CACHD1: variants seen among roughly 807,000 people sequenced by gnomAD.
CACHD1 encodes cache domain containing 1.
A neutral mutation model predicts 138.7 loss-of-function variants in CACHD1; 71 were observed. That is an observed-to-expected ratio of 0.51 (90% confidence interval 0.42 to 0.62). CACHD1 has a LOEUF of 0.62. Among genes scored for constraint, CACHD1 ranks in the 20% least tolerant of loss-of-function variants. CACHD1 has a pLI of 0.00. For synonymous variants in CACHD1, 578 were observed against 591.5 expected (o/e 0.98, Z 0.33); for missense variants, 1,389 against 1,625.3 (o/e 0.85, Z 2.50).
intron 1 of CACHD1, among the ~76,000 whole-genome samples, chr1:64,528,437 T>G (rs1646556984): frequency 6.6e-6 from 1 of 152,206 alleles, no homozygotes; most frequent in Admixed American, 6.5e-5. Context: ...AGTGTCTGCC[T>G]AGGGAATCTT....
chr1:64,603,170 T>C (rs2100579861), intron 4 of CACHD1, among the ~76,000 whole-genome samples: 1 of 143,292 alleles, frequency 7.0e-6, no homozygotes, highest in Middle Eastern at 3.8e-3. Context: ...AGTGCCGCGA[T>C]CTCGGCTCAC....
At chr1:64,541,272 G>A (rs1646674926) in intron 1 of CACHD1, among the ~76,000 whole-genome samples, 2 of 152,208 alleles carry the variant, frequency 1.3e-5, no homozygotes, top group Admixed American at 6.5e-5. Flanking sequence ...ATCATGGCAT[G>A]GGCCAGTTGT....
chr1:64,569,109 T>TG (rs1646906201), intron 2 of CACHD1, among the ~76,000 whole-genome samples: 2 of 152,006 alleles, frequency 1.3e-5, no homozygotes. Flanking sequence ...TTAGTAGAGA[T>TG]GGGGTCTCTC....
chr1:64,592,312 T>C (rs913905025), intron 3 of CACHD1, among the ~76,000 whole-genome samples: 6 of 152,230 alleles, frequency 3.9e-5, no homozygotes, highest in Non-Finnish European at 5.9e-5. Flanking sequence ...AGGCAGTTAA[T>C]GTATAAGACA....
intron 1 of CACHD1, among the ~76,000 whole-genome samples, chr1:64,474,668 A>C (rs148447837): frequency 1.8e-4 from 27 of 152,370 alleles, no homozygotes; most frequent in South Asian, 4.1e-4. Context: ...GGAGGAGATA[A>C]GATTGCACAG....
At chr1:64,554,348 C>G (rs573687606) in intron 2 of CACHD1, among the ~76,000 whole-genome samples, 46 of 152,344 alleles carry the variant, frequency 3.0e-4, no homozygotes, top group African/African-American at 1.1e-3. Flanking sequence ...TGTGTCTCCA[C>G]ACACCACTGC....
chr1:64,582,018 G>T lies in CACHD1; in HGVS notation c.262-138G>T, dbSNP rs575085617. The T allele has an allele frequency of 1.4e-5, 13 of 929,832 alleles. No homozygotes were observed. In the East Asian group the frequency reaches 3.4e-4, roughly 25 times the overall value. The allele number at this position is 929,832 out of a possible 1,614,324, so 57.6% of individuals were successfully genotyped here. A position where few individuals can be genotyped will look rare whatever the true frequency, so the allele number is the denominator to read the frequency against. ...TATCTCAACCCACACAGGGGAATAT[G>T]ACTTGGGTGTGTGTTGTTTGTTTTA... On this transcript the variant is annotated intron_variant, in intron 2 of 26. Coordinates refer to ENST00000651257, the MANE Select transcript of CACHD1 (RefSeq NM_020925.4).
intron 3 of CACHD1, among the ~76,000 whole-genome samples, chr1:64,598,064 G>C (rs1268714237): frequency 2.6e-5 from 4 of 152,174 alleles, no homozygotes; most frequent in African/African-American, 9.7e-5. Flanking sequence ...GGTAGCTAAA[G>C]TAACAAGGAT....
chr1:64,475,169 T>A (rs1646167259), intron 1 of CACHD1, among the ~76,000 whole-genome samples: 1 of 133,700 alleles, frequency 7.5e-6, no homozygotes, highest in African/African-American at 2.5e-5. Context: ...CTAAATTCCT[T>A]CCTTTTTTTT....
intron 9 of CACHD1, among the ~76,000 whole-genome samples, chr1:64,649,945 C>T (rs958469346): frequency 2.6e-5 from 4 of 152,166 alleles, no homozygotes; most frequent in African/African-American, 9.7e-5. Context: ...GTGCCACATC[C>T]TCTGACTCCA....
At chr1:64,499,046 G>A (rs144622093) in intron 1 of CACHD1, among the ~76,000 whole-genome samples, 157 of 152,214 alleles carry the variant, frequency 1.0e-3, no homozygotes, top group African/African-American at 3.5e-3. Flanking sequence ...GACCAGCTGC[G>A]AACTGGACAG....
intron 1 of CACHD1, among the ~76,000 whole-genome samples, chr1:64,477,290 G>C (rs941246040): frequency 6.6e-6 from 1 of 152,182 alleles, no homozygotes; most frequent in Non-Finnish European, 1.5e-5. Context: ...AATCTAATTT[G>C]TAGACCTGCA....
At chr1:64,581,945 A>G (rs763313228) in intron 2 of CACHD1, among the ~76,000 whole-genome samples, 2 of 152,128 alleles carry the variant, frequency 1.3e-5, no homozygotes, top group Non-Finnish European at 2.9e-5. Context: ...ATATAATTTT[A>G]CTGTTGTCTG....
At chr1:64,603,099 C>CTTTTTTTTTTTTTTTTTTTTTTTT (rs34372401) in intron 4 of CACHD1, among the ~76,000 whole-genome samples, 187 bp downstream of exon 4, 2 of 64,896 alleles carry the variant, frequency 3.1e-5, no homozygotes, top group Non-Finnish European at 5.9e-5. Context: ...AAGCTTACAT[C>CTTTTTTTTTTTTTTTTTTTTTTTT]TTTTTTTTTT....
intron 1 of CACHD1, among the ~76,000 whole-genome samples, chr1:64,522,217 C>G (rs561853970): frequency 9.5e-4 from 145 of 152,258 alleles, no homozygotes; most frequent in African/African-American, 3.3e-3. Context: ...TCTTCTTTCC[C>G]CACTGAATGG....
At chr1:64,529,095 G>A (rs1337258470) in intron 1 of CACHD1, among the ~76,000 whole-genome samples, 1 of 152,058 alleles carries the variant, frequency 6.6e-6, no homozygotes, top group Non-Finnish European at 1.5e-5. Context: ...TTGTTTTTAT[G>A]AAAGAGTGTA....
chr1:64,626,375 A>G (rs1191057663), intron 4 of CACHD1, among the ~76,000 whole-genome samples: 1 of 152,240 alleles, frequency 6.6e-6, no homozygotes, highest in East Asian at 1.9e-4. Flanking sequence ...CTCAGATAAC[A>G]TATTGCTACT....
intron 14 of CACHD1, 127 bp from the exon 15 acceptor site, chr1:64,664,371 G>T: frequency 1.1e-6 from 1 of 870,590 alleles, no homozygotes; most frequent in Non-Finnish European, 1.7e-6. Context: ...ATCTGCTGTG[G>T]AAAGATTTTT....
At chr1:64,594,484 G>A (rs1034459002) in intron 3 of CACHD1, among the ~76,000 whole-genome samples, 2 of 152,296 alleles carry the variant, frequency 1.3e-5, no homozygotes, top group Middle Eastern at 3.4e-3. Flanking sequence ...CTGACCTGCA[G>A]CAATTTGTGC....
Sources: allele counts gnomAD v4.1 joint callset (sites outside exome capture counted in the v4.1 genomes callset), GRCh38; gene constraint gnomAD v4.1.1; transcripts MANE v1.5; gene names NCBI Gene and HGNC (gene_info 2026-07-23, HGNC 2026-07-21).